Variants in TEX9 observed in about 807,000 individuals in gnomAD.
The protein encoded by TEX9 is testis expressed 9, also known as testis-expressed protein 9.
Under a neutral mutation model 59.6 loss-of-function variants are expected in TEX9, and 74 were observed. That is an observed-to-expected ratio of 1.24 (90% CI 1.03 to 1.51). TEX9 has a LOEUF of 1.51. Ranked by LOEUF, TEX9 falls within the 40% of genes most tolerant of loss-of-function variation. The probability of loss-of-function intolerance (pLI) is 0.00; values close to 1 mark genes in which losing one functional copy is unlikely to be tolerated. For synonymous variants in TEX9, 186 were observed against 152.2 expected, an observed-to-expected ratio of 1.22 and a Z score of -1.64; for missense variants, 522 against 447.8, an observed-to-expected ratio of 1.17 and a Z score of -1.49.
At chr15:56,386,784 G>A (rs35131119) in intron 4 of TEX9, among the ~76,000 whole-genome samples, 45,274 of 151,580 alleles carry the variant, frequency 0.3, 7,666 homozygotes, top group Middle Eastern at 0.47. Context: ...TGATGATGTT[G>A]TGATGATGAC....
At chr15:56,394,099 T>C in intron 7 of TEX9, 66 bp from the exon 8 acceptor site, 1 of 1,420,782 alleles carries the variant, frequency 7.0e-7, no homozygotes, top group East Asian at 2.3e-5. Context: ...AGTAATGGTC[T>C]GTCTTACAAT....
intron 1 of TEX9, among the ~76,000 whole-genome samples, chr15:56,338,918 TAAAAA>T (rs1224866013): frequency 1.2e-4 from 18 of 151,758 alleles, no homozygotes; most frequent in Admixed American, 1.2e-3. Flanking sequence ...AACATTGTCT[TAAAAA>T]AAAGTCACTG....
At chr15:56,283,975 A>G (rs891109115) in intron 1 of TEX9, among the ~76,000 whole-genome samples, 27 of 152,298 alleles carry the variant, frequency 1.8e-4, no homozygotes, top group Non-Finnish European at 2.5e-4. Flanking sequence ...GGCAACTTCT[A>G]TTTTTCACCT....
intron 2 of TEX9, among the ~76,000 whole-genome samples, chr15:56,369,017 C>A (rs2047070205): frequency 6.6e-6 from 1 of 151,892 alleles, no homozygotes; most frequent in Non-Finnish European, 1.5e-5. Context: ...TATATTTAGT[C>A]TTTAAATTTC....
At chr15:56,404,519 CT>C (rs1332676695) in intron 9 of TEX9, among the ~76,000 whole-genome samples, 1 of 152,190 alleles carries the variant, frequency 6.6e-6, no homozygotes, top group Non-Finnish European at 1.5e-5. Flanking sequence ...AATAGGAACT[CT>C]TTTACACTGT....
rs1246134200 is a variant in TEX9 at position 56,312,042 on chromosome 15, T to C, written c.-106-61399T>C. ...TGAGTTCACTATAGATTCTGGATAT[T>C]AGCCCTTTGTCAGATGAGTAGGTTG... On this transcript the variant is annotated intron_variant, in intron 1 of 5. Coordinates refer to the TEX9 transcript ENST00000560827. Among the ~76,000 whole-genome samples, 45 of 151,944 alleles carry C rather than the reference T, an allele frequency of 3.0e-4. 1 individual carries two copies. The East Asian group carries it at 6.2e-3, about 21-fold the overall frequency.
the TEX9 span, among the ~76,000 whole-genome samples, chr15:56,452,886 C>T: frequency 1.3e-5 from 2 of 152,154 alleles, no homozygotes. Context: ...TAAGAACCTT[C>T]TCAAAAGCCT....
intron 2 of TEX9, among the ~76,000 whole-genome samples, chr15:56,372,850 A>T (rs2047252431): frequency 2.6e-5 from 4 of 152,216 alleles, no homozygotes; most frequent in Admixed American, 2.6e-4. Context: ...GATTCCAAGT[A>T]GAATGAAAAA....
intron 2 of TEX9, among the ~76,000 whole-genome samples, chr15:56,367,440 A>G (rs2046994972): frequency 1.3e-5 from 2 of 152,134 alleles, no homozygotes; most frequent in East Asian, 3.8e-4. Context: ...TCAATCCAAA[A>G]CCTTTTGCAG....
chr15:56,327,811 A>G (rs1401388378), intron 1 of TEX9, among the ~76,000 whole-genome samples: 4 of 152,174 alleles, frequency 2.6e-5, no homozygotes, highest in African/African-American at 9.7e-5. Context: ...CCAGAGGGCA[A>G]ACACCCATTC....
intron 12 of TEX9, among the ~76,000 whole-genome samples, chr15:56,436,823 A>T (rs1313540368): frequency 6.6e-6 from 1 of 152,142 alleles, no homozygotes; most frequent in African/African-American, 2.4e-5. Flanking sequence ...TACTATAAAC[A>T]CCTCTACGCA....
At chr15:56,384,053 G>A in intron 4 of TEX9, 22 bp downstream of exon 4, 2 of 1,574,658 alleles carry the variant, frequency 1.3e-6, no homozygotes, top group East Asian at 2.2e-5. Context: ...AAATTCTCAA[G>A]CACCTTCTTT....
intron 12 of TEX9, among the ~76,000 whole-genome samples, chr15:56,444,217 A>G (rs1406776519): frequency 1.3e-5 from 2 of 152,122 alleles, no homozygotes; most frequent in African/African-American, 4.8e-5. Flanking sequence ...ACAAAGGTTT[A>G]GGTCATTCAA....
intron 1 of TEX9, among the ~76,000 whole-genome samples, chr15:56,258,832 T>G (rs1184013765): frequency 6.6e-6 from 1 of 151,406 alleles, no homozygotes; most frequent in Non-Finnish European, 1.5e-5. Flanking sequence ...TGCCTTTTTC[T>G]TATTGATTTG....
At chr15:56,386,044 T>G (rs966981626) in intron 4 of TEX9, among the ~76,000 whole-genome samples, 18 of 152,130 alleles carry the variant, frequency 1.2e-4, no homozygotes, top group African/African-American at 3.6e-4. Flanking sequence ...CTGGAAATAA[T>G]TAAAATATTT....
At chr15:56,364,714 A>G (rs1320783164), upstream of TEX9, among the ~76,000 whole-genome samples, 6 of 152,172 alleles carry the variant, frequency 3.9e-5, no homozygotes, top group African/African-American at 1.4e-4. Flanking sequence ...TTCCCATTGA[A>G]TGGTCTTGCA....
intron 12 of TEX9, among the ~76,000 whole-genome samples, chr15:56,430,789 A>G (rs1419076456): frequency 6.6e-6 from 1 of 152,206 alleles, no homozygotes; most frequent in Admixed American, 6.5e-5. Flanking sequence ...GTTTTCATAC[A>G]CATTCTCATC....
intron 1 of TEX9, among the ~76,000 whole-genome samples, chr15:56,292,644 C>T (rs1251372358): frequency 6.6e-6 from 1 of 152,104 alleles, no homozygotes; most frequent in East Asian, 1.9e-4. Context: ...GAGCTGCTGT[C>T]AATGTGGCTA....
downstream of TEX9, among the ~76,000 whole-genome samples, chr15:56,450,610 T>C (rs2050941091): frequency 6.6e-6 from 1 of 152,226 alleles, no homozygotes; most frequent in Non-Finnish European, 1.5e-5. Flanking sequence ...AACTGAAGGA[T>C]ATTGTATAAT....
Sources: gnomAD v4.1 joint callset for allele counts (sites outside exome capture counted in the v4.1 genomes callset) on GRCh38, gnomAD v4.1.1 for gene constraint, MANE v1.5 for transcripts, NCBI Gene and HGNC (gene_info 2026-07-23, HGNC 2026-07-21) for gene names.